Variants in ABCC12 observed in about 807,000 individuals in gnomAD.
The protein encoded by ABCC12 is ATP binding cassette subfamily C member 12.
In ABCC12, 142 loss-of-function variants were observed where a neutral mutation model predicts 151.1. The observed-to-expected ratio is 0.94, with a 90% CI of 0.82 to 1.08. The LOEUF is 1.08. ABCC12 is among the 50% of genes least tolerant of loss of function. The pLI is 0.00. For missense variants in ABCC12, 1,638 were observed against 1,691.1 expected, an observed-to-expected ratio of 0.97 and a Z score of 0.55; for synonymous variants, 645 against 646.4, an observed-to-expected ratio of 1.00 and a Z score of 0.03.
At chr16:48,104,015 C>G (rs905129502) in intron 22 of ABCC12, 127 bp downstream of exon 22, 1 of 1,017,518 alleles carries the variant, frequency 9.8e-7, no homozygotes, top group Admixed American at 2.8e-5. Context: ...CTGGCATTTA[C>G]TAAGTACAAA....
rs1354433228 is a variant in ABCC12, at chr16:48,081,093, C to T, written c.*2622G>A. On this transcript the variant is annotated 3_prime_UTR_variant, in exon 31 of 31. Transcript: ENST00000311303. ...ATTCATGAGGTCTCCACCCTCATGACCTAATTAATCACCTCCTAAAGGCCC... is the reference window on the plus strand; with the variant it reads ...ATTCATGAGGTCTCCACCCTCATGATCTAATTAATCACCTCCTAAAGGCCC... 2.0e-5 allele frequency among the ~76,000 whole-genome samples: 3 copies of T among 152,070 alleles called. No homozygotes were observed. The highest frequency in any genetic ancestry group is 2.9e-5 in the Non-Finnish European group (2 of 68,026).
intron 24 of ABCC12, among the ~76,000 whole-genome samples, chr16:48,093,120 T>C (rs1188880104): frequency 6.6e-6 from 1 of 152,072 alleles, no homozygotes; most frequent in African/African-American, 2.4e-5. Context: ...CAGCGTCTCA[T>C]GAGCAGAGCC....
In ABCC12 at chr16:48,104,040, G is replaced by C. The variant is rs75329096; in HGVS notation, c.2900+102C>G. On this transcript the variant is annotated intron_variant, in intron 22 of 30. Coordinates refer to ENST00000311303, the MANE Select transcript of ABCC12 (RefSeq NM_001393797.1). ...CTAAGTACAAAAAAAATCAATGGTA[G>C]ACCATCAGTAAAGACAGCAAGCACT... The C allele has an allele frequency of 7.9e-4, 977 of 1,243,818 alleles. 6 individuals are homozygous for C. In the African/African-American group the frequency reaches 0.013, roughly 17 times the overall value. 77.0% of individuals were successfully genotyped at this position (1,243,818 alleles called of 1,614,324 possible).
chr16:48,140,888 A>G lies in ABCC12; in HGVS notation c.456T>C (p.Thr152=). ...TVLIHQILQQ[T]ERTSGKVWVG... The stretch of plus-strand genomic sequence containing the variant: ...CCCAGACTTTCCCAGAGGTCCTCTC[A>G]GTCTGCTGGAGGATTTGGTGAATGA... Residue 152 remains threonine (T), a synonymous_variant, in exon 6 of 31, where the codon ACT becomes ACC. Coordinates refer to ENST00000311303, the MANE Select transcript of ABCC12 (RefSeq NM_001393797.1). 2 of 1,614,092 alleles carry G rather than the reference A, an allele frequency of 1.2e-6. No homozygotes were observed. The highest frequency in any genetic ancestry group is 1.7e-6 in the Non-Finnish European group (2 of 1,180,016).
chr16:48,104,686 T>G (rs1963426049), intron 21 of ABCC12, among the ~76,000 whole-genome samples: 1 of 152,188 alleles, frequency 6.6e-6, no homozygotes, highest in Non-Finnish European at 1.5e-5. Flanking sequence ...TTGTGCCCCA[T>G]GGCAATAAAA....
At chr16:48,132,240 A>G (rs146991612) in intron 9 of ABCC12, among the ~76,000 whole-genome samples, 1 of 152,362 alleles carries the variant, frequency 6.6e-6, no homozygotes, top group East Asian at 1.9e-4. Context: ...TATCCTTGCC[A>G]TTCAATCTGG....
chr16:48,109,345 A>G (rs1963606880), intron 18 of ABCC12, among the ~76,000 whole-genome samples: 1 of 152,134 alleles, frequency 6.6e-6, no homozygotes, highest in Admixed American at 6.5e-5. Flanking sequence ...GGAAGGGAAA[A>G]TGACTGTCAA....
rs1964716916 is a variant in ABCC12, at chr16:48,139,201, T to C, written c.793A>G (p.Ile265Val). The stretch of plus-strand genomic sequence containing the variant: ...AATATGACATACACTGATATCCCGA[T>C]GAGAGCTGTGGGCCCCAGAATGAAA... ...AFFILGPTALIGISVYVIFIP... is the reference protein window; with the variant it reads ...AFFILGPTALVGISVYVIFIP... The change falls in exon 7 of 31, where the codon ATC (isoleucine) becomes GTC (valine). Residue 265 changes from isoleucine to valine, a missense_variant. By Grantham distance (29) the Ile-to-Val change is conservative. Coordinates refer to ENST00000311303, the MANE Select transcript of ABCC12 (RefSeq NM_001393797.1). 5 of 1,613,348 alleles carry C rather than the reference T, an allele frequency of 3.1e-6. No homozygotes were observed. The East Asian group carries it at 1.1e-4, about 36-fold the overall frequency.
intron 8 of ABCC12, among the ~76,000 whole-genome samples, chr16:48,134,613 G>A (rs1190222494): frequency 6.6e-6 from 1 of 152,202 alleles, no homozygotes; most frequent in Admixed American, 6.5e-5. Flanking sequence ...TTCCTGAGGG[G>A]CCTGGAGGAG....
chr16:48,124,435 C>T (rs1279119556), intron 11 of ABCC12, 151 bp from the exon 12 acceptor site: 17 of 718,230 alleles, frequency 2.4e-5, no homozygotes, highest in Non-Finnish European at 4.0e-5. Context: ...GCAGCCACAC[C>T]ACCCTGGCCC....
chr16:48,106,347 G>A (rs1321592172), intron 20 of ABCC12, among the ~76,000 whole-genome samples: 4 of 152,008 alleles, frequency 2.6e-5, no homozygotes, highest in Non-Finnish European at 5.9e-5. Flanking sequence ...AACACATAGT[G>A]TCCAGGGCAC....
intron 29 of ABCC12, 51 bp downstream of exon 29, chr16:48,085,542 G>A (rs746527765): frequency 9.3e-6 from 14 of 1,513,070 alleles, no homozygotes; most frequent in African/African-American, 4.1e-5. Context: ...ATTGAGTGGC[G>A]CTGCGGGAAA....
intron 8 of ABCC12, among the ~76,000 whole-genome samples, chr16:48,135,165 T>TAAAA (rs1396023071): frequency 2.0e-5 from 3 of 152,166 alleles, no homozygotes; most frequent in African/African-American, 4.8e-5. Context: ...GCCCTGCCTT[T>TAAAA]AAAAACCCTT....
intron 12 of ABCC12, 108 bp from the exon 13 acceptor site, chr16:48,121,948 G>T: frequency 6.6e-7 from 1 of 1,509,528 alleles, no homozygotes; most frequent in Non-Finnish European, 8.9e-7. Flanking sequence ...TGGTTATGAA[G>T]GCACAAAAGC....
chr16:48,096,104 C>G (rs1963084542), intron 24 of ABCC12, among the ~76,000 whole-genome samples: 1 of 152,132 alleles, frequency 6.6e-6, no homozygotes, highest in African/African-American at 2.4e-5. Flanking sequence ...AAGACAGGGC[C>G]TGAAGCCAAT....
rs535120305 is a variant in ABCC12 at position 48,151,345 on chromosome 16, G to A, written c.-51+2271C>T. On this transcript the variant is annotated intron_variant, in intron 2 of 30. Transcript: ENST00000311303. ...ACTGGTACTCCTCAAAACTGTCAAG[G>A]TCATCAAAGACAAGGAGAGCCTGAG... is the stretch of plus-strand genomic sequence containing the variant. Among the ~76,000 whole-genome samples the A allele has an allele frequency of 5.9e-5, 9 of 152,268 alleles. No individual in the cohort carries two copies. In the East Asian group the frequency reaches 1.4e-3, roughly 23 times the overall value.
At chr16:48,096,683 C>A (rs982414332) in intron 24 of ABCC12, 63 bp downstream of exon 24, 1 of 1,560,440 alleles carries the variant, frequency 6.4e-7, no homozygotes. Flanking sequence ...TCCAAAAGCA[C>A]CCTCGCTGAT....
At chr16:48,134,562 C>A (rs373859118) in intron 8 of ABCC12, among the ~76,000 whole-genome samples, 13 of 152,292 alleles carry the variant, frequency 8.5e-5, no homozygotes, top group African/African-American at 2.4e-4. Context: ...GAAGGGGGAG[C>A]CGAGGACAGA....
At chr16:48,154,419 C>CTCTGTA (rs1965156517) in intron 1 of ABCC12, among the ~76,000 whole-genome samples, 1 of 151,972 alleles carries the variant, frequency 6.6e-6, no homozygotes, top group Non-Finnish European at 1.5e-5. Context: ...ATATCAAGAG[C>CTCTGTA]TCTGTATGTT....
Sources: allele counts gnomAD v4.1 joint callset (sites outside exome capture counted in the v4.1 genomes callset), GRCh38; gene constraint gnomAD v4.1.1; transcripts MANE v1.5; gene names NCBI Gene and HGNC (gene_info 2026-07-23, HGNC 2026-07-21).